Variants in FAM13A observed in about 807,000 individuals in gnomAD.
FAM13A encodes family with sequence similarity 13 member A, also known as protein FAM13A.
In FAM13A, 76 loss-of-function variants were observed where a neutral mutation model predicts 129.6. The ratio of observed to expected loss-of-function variants is 0.59; its 90% CI spans 0.49 to 0.71. The LOEUF is 0.71. Among genes scored for constraint, FAM13A ranks in the 30% least tolerant of loss-of-function variants. The probability of loss-of-function intolerance (pLI) is 0.00; values close to 1 mark genes in which losing one functional copy is unlikely to be tolerated. For missense variants in FAM13A, 1,108 were observed against 1,249.3 expected (o/e 0.89, Z 1.70); for synonymous variants, 443 against 449.9 (o/e 0.98, Z 0.20).
chr4:88,937,068 C>T (rs998626271), intron 5 of FAM13A: 9 of 151,848 alleles, frequency 5.9e-5, no homozygotes, highest in Non-Finnish European at 8.8e-5. Flanking sequence ...TTTCAGCTAC[C>T]GTGTTATTTC....
intron 6 of FAM13A, among the ~76,000 whole-genome samples, chr4:88,873,652 G>A (rs995172211): frequency 6.6e-6 from 1 of 152,084 alleles, no homozygotes; most frequent in African/African-American, 2.4e-5. Context: ...ATAATTAATA[G>A]CCTACCAACC....
At chr4:88,860,484 T>C (rs1739304782) in intron 6 of FAM13A, among the ~76,000 whole-genome samples, 1 of 152,230 alleles carries the variant, frequency 6.6e-6, no homozygotes, top group African/African-American at 2.4e-5. Flanking sequence ...TTCTATGATA[T>C]ATCCACAAGT....
At chr4:88,896,340 C>T (rs1346768297) in intron 6 of FAM13A, among the ~76,000 whole-genome samples, 2 of 151,830 alleles carry the variant, frequency 1.3e-5, no homozygotes, top group African/African-American at 2.4e-5. Context: ...TTAGTGGGTG[C>T]AGCACACCAG....
chr4:88,994,233 C>T, intron 3 of FAM13A, among the ~76,000 whole-genome samples: 1 of 152,148 alleles, frequency 6.6e-6, no homozygotes, highest in East Asian at 1.9e-4. Flanking sequence ...CTTCTTGAAT[C>T]CCTGTTCAAA....
intron 4 of FAM13A, among the ~76,000 whole-genome samples, chr4:88,989,376 T>C (rs1040153923): frequency 1.3e-5 from 2 of 150,674 alleles, no homozygotes; most frequent in Admixed American, 1.3e-4. Context: ...TCGCGGCAGG[T>C]GGATTGCTTG....
At chr4:88,906,557 C>A in intron 5 of FAM13A, 95 bp from the exon 6 acceptor site, 3 of 806,138 alleles carry the variant, frequency 3.7e-6, no homozygotes, top group Non-Finnish European at 6.0e-6. Flanking sequence ...GAAGAGAGAG[C>A]ATTTCTGGAT....
At chr4:88,898,505 A>T (rs962410990) in intron 6 of FAM13A, among the ~76,000 whole-genome samples, 6 of 152,164 alleles carry the variant, frequency 3.9e-5, no homozygotes, top group African/African-American at 1.4e-4. Flanking sequence ...TTTTATAAGG[A>T]AAGATTTTTT....
intron 7 of FAM13A, among the ~76,000 whole-genome samples, chr4:88,824,253 G>A (rs1732595712): frequency 6.6e-6 from 1 of 152,140 alleles, no homozygotes; most frequent in South Asian, 2.1e-4. Flanking sequence ...ACTTCTAGTA[G>A]TAGAAGGAAC....
At chr4:88,874,305 G>GA (rs1741983316) in intron 6 of FAM13A, among the ~76,000 whole-genome samples, 1 of 152,092 alleles carries the variant, frequency 6.6e-6, no homozygotes, top group Non-Finnish European at 1.5e-5. Context: ...TCAGGCAAGA[G>GA]AAAAAAATAA....
chr4:88,857,067 C>T (rs1738650138), intron 6 of FAM13A, among the ~76,000 whole-genome samples: 1 of 152,144 alleles, frequency 6.6e-6, no homozygotes, highest in Non-Finnish European at 1.5e-5. Flanking sequence ...AGCCACAGTG[C>T]TAGCTAATTA....
chr4:88,907,939 G>A (rs764916398), intron 5 of FAM13A, among the ~76,000 whole-genome samples: 1 of 152,150 alleles, frequency 6.6e-6, no homozygotes, highest in African/African-American at 2.4e-5. Context: ...CAGTGGCAAA[G>A]CTGAGACTCA....
intron 19 of FAM13A, among the ~76,000 whole-genome samples, chr4:88,744,637 A>C (rs1313649175): frequency 6.6e-6 from 1 of 152,210 alleles, no homozygotes; most frequent in African/African-American, 2.4e-5. Flanking sequence ...CTCTAGAAGT[A>C]CATGTATTTT....
chr4:89,029,385 GAAATAATTCACAC>G, intron 2 of FAM13A, 62 bp downstream of exon 2: 1 of 1,156,730 alleles, frequency 8.6e-7, no homozygotes. Context: ...CATACATTAT[GAAATAATTCACAC>G]AAATAATTTG....
chr4:88,800,390 G>A (rs1269654196), intron 8 of FAM13A, among the ~76,000 whole-genome samples: 1 of 152,140 alleles, frequency 6.6e-6, no homozygotes, highest in Admixed American at 6.5e-5. Context: ...CCTCCGTTTA[G>A]AAACACTATT....
chr4:88,751,635 G>T (rs1373632950), intron 14 of FAM13A, among the ~76,000 whole-genome samples: 2 of 150,176 alleles, frequency 1.3e-5, no homozygotes, highest in African/African-American at 4.9e-5. Context: ...AACACGCTCA[G>T]CACAAAATCT....
chr4:88,920,449 G>A, intron 5 of FAM13A, among the ~76,000 whole-genome samples: 1 of 152,210 alleles, frequency 6.6e-6, no homozygotes. Context: ...AGGGTCTGGA[G>A]TGGACCTCTA....
intron 6 of FAM13A, among the ~76,000 whole-genome samples, chr4:88,884,678 G>A (rs1000465450): frequency 1.3e-5 from 2 of 152,062 alleles, no homozygotes; most frequent in South Asian, 2.1e-4. Context: ...GAAAGAAAGC[G>A]GAACCAAACT....
chr4:88,985,207 G>A (rs533684466), intron 4 of FAM13A, among the ~76,000 whole-genome samples: 16 of 152,302 alleles, frequency 1.1e-4, no homozygotes, highest in African/African-American at 3.8e-4. Context: ...CATATTGTAT[G>A]ATTACATTTA....
At chr4:89,020,416 C>T in intron 3 of FAM13A, 44 bp downstream of exon 3, 1 of 1,442,946 alleles carries the variant, frequency 6.9e-7, no homozygotes, top group East Asian at 2.3e-5. Flanking sequence ...CGTGCCCAGC[C>T]TAGTAAAGTT....
Sources: gnomAD v4.1 joint callset for allele counts (sites outside exome capture counted in the v4.1 genomes callset) on GRCh38, gnomAD v4.1.1 for gene constraint, MANE v1.5 for transcripts, NCBI Gene and HGNC (gene_info 2026-07-23, HGNC 2026-07-21) for gene names.